Variants in IGF2BP3 observed in about 807,000 individuals in gnomAD.
IGF2BP3 encodes insulin-like growth factor 2 mRNA-binding protein 3.
IGF2BP3 carries 9 observed loss-of-function variants against 73.8 expected under a neutral mutation model. The ratio of observed to expected loss-of-function variants is 0.12; its 90% CI spans 0.07 to 0.21. The LOEUF is 0.21. Ranked by LOEUF, IGF2BP3 falls within the 10% of genes least tolerant of loss-of-function variation. The pLI, the probability that IGF2BP3 is intolerant of heterozygous loss-of-function variation, is 1.00. For synonymous variants in IGF2BP3, 258 were observed against 256.7 expected (o/e 1.01, Z -0.05); for missense variants, 542 against 714.0 (o/e 0.76, Z 2.75).
chr7:23,419,652 G>A (rs1787289457), intron 2 of IGF2BP3, among the ~76,000 whole-genome samples: 1 of 152,156 alleles, frequency 6.6e-6, no homozygotes, highest in African/African-American at 2.4e-5. Context: ...TGGAGGTCAG[G>A]ACCAGACTGG....
chr7:23,379,669 T>C (rs1785845355), intron 3 of IGF2BP3, among the ~76,000 whole-genome samples: 1 of 152,162 alleles, frequency 6.6e-6, no homozygotes, highest in Non-Finnish European at 1.5e-5. Flanking sequence ...ACCAACCAAG[T>C]TCACCTGGAG....
Position 23,375,468 on chromosome 7 carries a change from C to T in IGF2BP3, c.286-13727G>A, listed in dbSNP as rs1017199082. 4.6e-5 allele frequency among the ~76,000 whole-genome samples: 7 copies of T among 152,136 alleles called. No homozygotes were observed. The East Asian group carries it at 1.3e-3, about 29-fold the overall frequency. The stretch of plus-strand genomic sequence containing the variant: ...CCAGGCCCCCTTCTAGGCTTTTCGC[C>T]GCTAAAACAAAATGCAAAGGCTAGA... On this transcript the variant is annotated intron_variant, in intron 3 of 14. Transcript: ENST00000258729.
At chr7:23,465,280 T>C (rs1788539885) in intron 2 of IGF2BP3, among the ~76,000 whole-genome samples, 1 of 152,208 alleles carries the variant, frequency 6.6e-6, no homozygotes, top group Non-Finnish European at 1.5e-5. Context: ...AAAGTCTTCA[T>C]GTTCTGTATC....
Position 23,407,022 on chromosome 7 carries a change from T to A in IGF2BP3, c.285+11754A>T, listed in dbSNP as rs577523371. Among the ~76,000 whole-genome samples, 30 of 151,962 alleles carry A rather than the reference T, an allele frequency of 2.0e-4. No individual in the cohort carries two copies. The South Asian group carries it at 5.6e-3, about 28-fold the overall frequency. ...AGTTATTAGAAATCAATAAAACAGA[T>A]AAAGCTCTGCAAGGCTGATGAAGAT... On this transcript the variant is annotated intron_variant, in intron 3 of 14. Transcript: ENST00000258729.
intron 3 of IGF2BP3, chr7:23,415,059 C>G (rs1300573588): frequency 4.8e-6 from 1 of 209,804 alleles, no homozygotes; most frequent in Non-Finnish European, 9.8e-6. Context: ...TCACCCCACC[C>G]GCAGGTCCCC....
At chr7:23,372,410 T>G (rs548105422) in intron 3 of IGF2BP3, among the ~76,000 whole-genome samples, 213 of 152,244 alleles carry the variant, frequency 1.4e-3, no homozygotes, top group African/African-American at 4.7e-3. Flanking sequence ...TTCTGAGATT[T>G]TGGTGCACCC....
chr7:23,468,332 C>G, intron 2 of IGF2BP3, 150 bp downstream of exon 2: 1 of 787,076 alleles, frequency 1.3e-6, no homozygotes. Flanking sequence ...CACACACCCC[C>G]GCCATAAACT....
At chr7:23,372,667 T>C (rs774816723) in intron 3 of IGF2BP3, among the ~76,000 whole-genome samples, 1 of 152,098 alleles carries the variant, frequency 6.6e-6, no homozygotes, top group Non-Finnish European at 1.5e-5. Context: ...CACCCTACTA[T>C]AAACTCTAAG....
intron 5 of IGF2BP3, among the ~76,000 whole-genome samples, chr7:23,359,338 C>A (rs1303467690): frequency 1.3e-5 from 2 of 152,202 alleles, no homozygotes; most frequent in Non-Finnish European, 2.9e-5. Flanking sequence ...TATGCCTCTT[C>A]AAATCTACAT....
intron 2 of IGF2BP3, among the ~76,000 whole-genome samples, chr7:23,430,468 A>G (rs1398880792): frequency 5.3e-5 from 8 of 152,238 alleles, no homozygotes; most frequent in Non-Finnish European, 8.8e-5. Flanking sequence ...GCAGTCTAGC[A>G]TGGGCTTTCC....
intron 3 of IGF2BP3, among the ~76,000 whole-genome samples, chr7:23,406,955 A>G (rs539490274): frequency 6.6e-6 from 1 of 152,090 alleles, no homozygotes; most frequent in Non-Finnish European, 1.5e-5. Context: ...CACCTCTCAA[A>G]ATCATGGAGA....
intron 3 of IGF2BP3, chr7:23,413,791 T>C (rs1787103974): frequency 1.3e-5 from 2 of 152,170 alleles, no homozygotes; most frequent in South Asian, 4.1e-4. Flanking sequence ...ACAGGATGGA[T>C]GAGAAACCAC....
Position 23,313,590 on chromosome 7 carries a change from T to G in IGF2BP3, c.1459A>C (p.Lys487Gln), listed in dbSNP as rs1783892054. Residue 487 changes from lysine (K) to glutamine (Q), a missense_variant, in exon 13 of 15, where the codon AAA (lysine) becomes CAA (glutamine). Physicochemically the swap from Lys to Gln is moderately conservative, Grantham distance 53 (BLOSUM62 1). Transcript: ENST00000258729. ...ENFVSPKEEVKLEAHIRVPSF... is the reference protein window; with the variant it reads ...ENFVSPKEEVQLEAHIRVPSF... ...GGCACTCTGATATGAGCTTCAAGTT[T>G]CACCTCTTCTTTAGGACTAACAAAG... 1 of 1,613,972 alleles carries G rather than the reference T, an allele frequency of 6.2e-7. No individual in the cohort carries two copies. The highest frequency in any genetic ancestry group is 1.3e-5 in the African/African-American group (1 of 74,926).
chr7:23,327,030 C>A (rs1283745664), intron 10 of IGF2BP3, among the ~76,000 whole-genome samples: 5 of 151,320 alleles, frequency 3.3e-5, no homozygotes, highest in Non-Finnish European at 7.4e-5. Flanking sequence ...AACTAACCTG[C>A]ACATTGTGCA....
At chr7:23,448,199 A>G (rs1788109809) in intron 2 of IGF2BP3, among the ~76,000 whole-genome samples, 1 of 152,156 alleles carries the variant, frequency 6.6e-6, no homozygotes, top group Non-Finnish European at 1.5e-5. Context: ...TCCTGAAATC[A>G]TTATTAGATT....
At chr7:23,425,872 G>C (rs1787493791) in intron 2 of IGF2BP3, among the ~76,000 whole-genome samples, 1 of 151,998 alleles carries the variant, frequency 6.6e-6, no homozygotes, top group African/African-American at 2.4e-5. Flanking sequence ...GCTGAGGCAG[G>C]AGGATCAACT....
At chr7:23,393,846 T>G (rs1222730483) in intron 3 of IGF2BP3, among the ~76,000 whole-genome samples, 3 of 152,154 alleles carry the variant, frequency 2.0e-5, no homozygotes, top group Non-Finnish European at 4.4e-5. Context: ...GAGTCTCTCC[T>G]TGAGAGTCCC....
chr7:23,324,338 C>G (rs1413926686), intron 10 of IGF2BP3, among the ~76,000 whole-genome samples: 11 of 151,956 alleles, frequency 7.2e-5, no homozygotes, highest in African/African-American at 2.7e-4. Flanking sequence ...GGATAAATTC[C>G]TCGACACATA....
chr7:23,468,241 G>T (rs549428246), intron 2 of IGF2BP3, among the ~76,000 whole-genome samples: 164 of 152,296 alleles, frequency 1.1e-3, no homozygotes, highest in African/African-American at 3.5e-3. Context: ...GTGAGCTTTC[G>T]AGAGATTTTG....
Sources: gnomAD v4.1 joint callset for allele counts (sites outside exome capture counted in the v4.1 genomes callset) on GRCh38, gnomAD v4.1.1 for gene constraint, MANE v1.5 for transcripts, NCBI Gene and HGNC (gene_info 2026-07-23, HGNC 2026-07-21) for gene names.